Variants in TANC2 observed in about 807,000 individuals in gnomAD.
The protein encoded by TANC2 is protein TANC2.
A neutral mutation model predicts 210.5 loss-of-function variants in TANC2; 26 were observed. The ratio of observed to expected loss-of-function variants is 0.12; its 90% CI spans 0.09 to 0.17. The LOEUF is 0.17. TANC2 is among the 10% of genes least tolerant of loss of function. The pLI is 1.00. For synonymous variants in TANC2, 931 were observed against 967.1 expected, an observed-to-expected ratio of 0.96 and a Z score of 0.69; for missense variants, 2,129 against 2,608.9, an observed-to-expected ratio of 0.82 and a Z score of 4.01.
chr17:63,022,369 G>T (rs2034387792), intron 2 of TANC2, among the ~76,000 whole-genome samples: 1 of 151,328 alleles, frequency 6.6e-6, no homozygotes, highest in African/African-American at 2.4e-5. Flanking sequence ...GACAAACTAG[G>T]ATTTCTGGTG....
chr17:63,380,139 G>A (rs2047558623), intron 15 of TANC2, among the ~76,000 whole-genome samples: 1 of 152,152 alleles, frequency 6.6e-6, no homozygotes, highest in African/African-American at 2.4e-5. Context: ...GTAGCAATTA[G>A]TTGCAGGTTT....
intron 7 of TANC2, among the ~76,000 whole-genome samples, chr17:63,203,119 A>G (rs779042497): frequency 2.8e-4 from 42 of 152,166 alleles, no homozygotes; most frequent in Non-Finnish European, 4.7e-4. Flanking sequence ...CTCCCAGATT[A>G]TTATCCAGAA....
At chr17:63,014,368 G>T (rs1273976357) in intron 2 of TANC2, among the ~76,000 whole-genome samples, 1 of 152,100 alleles carries the variant, frequency 6.6e-6, no homozygotes, top group Non-Finnish European at 1.5e-5. Context: ...TTCCCTCAGA[G>T]ACAATGTCCA....
intron 12 of TANC2, among the ~76,000 whole-genome samples, chr17:63,350,287 G>A (rs1460839141): frequency 6.6e-6 from 1 of 152,104 alleles, no homozygotes; most frequent in East Asian, 1.9e-4. Flanking sequence ...GGTATCTGAT[G>A]ACTGCTTGCC....
intron 1 of TANC2, among the ~76,000 whole-genome samples, chr17:62,990,712 A>G (rs1045484368): frequency 6.6e-6 from 1 of 152,250 alleles, no homozygotes; most frequent in Non-Finnish European, 1.5e-5. Context: ...AGTGGGATAC[A>G]GAGCAAAGGT....
intron 5 of TANC2, among the ~76,000 whole-genome samples, chr17:63,169,386 C>A (rs776183228): frequency 6.6e-6 from 1 of 152,160 alleles, no homozygotes; most frequent in African/African-American, 2.4e-5. Flanking sequence ...CTCTCTCCAG[C>A]TGATCAGTCA....
intron 8 of TANC2, among the ~76,000 whole-genome samples, chr17:63,248,175 A>T (rs2042966386): frequency 6.6e-6 from 1 of 152,018 alleles, no homozygotes; most frequent in Non-Finnish European, 1.5e-5. Context: ...TGCTCTTTTC[A>T]TTTAGCTCTA....
intron 25 of TANC2, among the ~76,000 whole-genome samples, 155 bp from the exon 26 acceptor site, chr17:63,415,373 C>T (rs1388656354): frequency 6.6e-6 from 1 of 152,196 alleles, no homozygotes; most frequent in Non-Finnish European, 1.5e-5. Flanking sequence ...GACCCTTCTG[C>T]CCTCACCATC....
intron 19 of TANC2, among the ~76,000 whole-genome samples, chr17:63,400,567 A>G (rs1019737345): frequency 3.3e-5 from 5 of 152,182 alleles, no homozygotes; most frequent in Non-Finnish European, 7.3e-5. Context: ...ATGCATATAT[A>G]CAATATAATT....
In TANC2 at chr17:63,125,442, TTAC is replaced by T. The variant is rs922661096; in HGVS notation, c.323-25825_323-25823del. Among the ~76,000 whole-genome samples, 403 of 152,304 alleles carry T rather than the reference TTAC, an allele frequency of 2.6e-3. 1 individual carries two copies. Among genetic ancestry groups the T allele is most frequent in the African/African-American group, 9.2e-3 (383 of 41,570 alleles). Reference sequence around the variant, plus strand: ...TGAGAAGGGAAGCCGTTTTTTACCTTTACTAGGTAGGCTGAGTTTTTTAAGTGA... The same window carrying T: ...TGAGAAGGGAAGCCGTTTTTTACCTTTAGGTAGGCTGAGTTTTTTAAGTGA... On this transcript the variant is annotated intron_variant, in intron 4 of 27. Transcript: ENST00000689528.
intron 2 of TANC2, among the ~76,000 whole-genome samples, chr17:63,036,984 A>T (rs903112967): frequency 6.6e-6 from 1 of 152,150 alleles, no homozygotes; most frequent in Admixed American, 6.5e-5. Flanking sequence ...TTTTACACAT[A>T]CATAGGTACC....
rs952601340 is a variant in TANC2 at position 62,988,366 on chromosome 17, C to T, written c.-23-21171C>T. On this transcript the variant is annotated intron_variant, in intron 1 of 27. Coordinates refer to ENST00000689528, the Ensembl canonical transcript of TANC2. ...TTCACTAGGCTGGTCTTGAATGCCT[C>T]ACCTTAAGTGATTTGCTGACCTCGG... Among the ~76,000 whole-genome samples, 9 of 148,398 alleles carry T rather than the reference C, an allele frequency of 6.1e-5. No homozygotes were observed. In the Admixed American group the frequency reaches 6.1e-4, roughly 10 times the overall value.
At chr17:63,284,047 G>A (rs1382157836) in intron 9 of TANC2, among the ~76,000 whole-genome samples, 1 of 151,854 alleles carries the variant, frequency 6.6e-6, no homozygotes, top group Non-Finnish European at 1.5e-5. Context: ...TTGGTCTTAG[G>A]TGGAAAGCAT....
chr17:63,101,254 T>C (rs1400717175), intron 4 of TANC2, among the ~76,000 whole-genome samples: 2 of 152,182 alleles, frequency 1.3e-5, no homozygotes, highest in Admixed American at 6.5e-5. Flanking sequence ...GAAAGTTGAA[T>C]GGAAAAAAAT....
intron 1 of TANC2, among the ~76,000 whole-genome samples, chr17:62,998,325 A>G (rs993900716): frequency 2.6e-5 from 4 of 152,226 alleles, no homozygotes; most frequent in Non-Finnish European, 2.9e-5. Flanking sequence ...AGAGAAAGCA[A>G]GCAACTTGGA....
At chr17:63,205,933 A>T (rs1019133202) in intron 7 of TANC2, among the ~76,000 whole-genome samples, 1 of 151,972 alleles carries the variant, frequency 6.6e-6, no homozygotes, top group Middle Eastern at 3.4e-3. Context: ...CAAAAAGACA[A>T]CCCACAGATA....
chr17:63,226,171 T>C (rs1303437959), intron 7 of TANC2, among the ~76,000 whole-genome samples: 1 of 152,248 alleles, frequency 6.6e-6, no homozygotes, highest in East Asian at 1.9e-4. Context: ...TTTTATTTCA[T>C]GCATTTAGAA....
intron 12 of TANC2, among the ~76,000 whole-genome samples, chr17:63,350,921 A>G (rs527492719): frequency 6.6e-6 from 1 of 150,666 alleles, no homozygotes; most frequent in Non-Finnish European, 1.5e-5. Context: ...CAGCTTTTTC[A>G]TGTGTAAGAG....
At chr17:63,240,843 A>G (rs916579724) in intron 8 of TANC2, among the ~76,000 whole-genome samples, 3 of 152,122 alleles carry the variant, frequency 2.0e-5, no homozygotes, top group Non-Finnish European at 2.9e-5. Flanking sequence ...GCCACAAGTA[A>G]TTGCTTCTTC....
Sources: gnomAD v4.1 joint callset for allele counts (sites outside exome capture counted in the v4.1 genomes callset) on GRCh38, gnomAD v4.1.1 for gene constraint, MANE v1.5 for transcripts, NCBI Gene and HGNC (gene_info 2026-07-23, HGNC 2026-07-21) for gene names.